IL1RAPL2: variants seen among roughly 807,000 people sequenced by gnomAD.
IL1RAPL2 encodes X-linked interleukin-1 receptor accessory protein-like 2.
IL1RAPL2 carries 3 observed loss-of-function variants against 44.1 expected under a neutral mutation model. The observed-to-expected ratio is 0.07, with a 90% confidence interval of 0.03 to 0.18. IL1RAPL2 has a LOEUF of 0.18. IL1RAPL2 is among the 10% of genes least tolerant of loss of function. The probability of loss-of-function intolerance (pLI) is 1.00; values close to 1 mark genes in which losing one functional copy is unlikely to be tolerated. For synonymous variants in IL1RAPL2, 181 were observed against 178.8 expected (o/e 1.01, Z -0.10); for missense variants, 391 against 496.4 (o/e 0.79, Z 2.02).
At chrX:105,709,656 G>A (rs932589665) in intron 6 of IL1RAPL2, among the ~76,000 whole-genome samples, 1 of 111,313 alleles carries the variant, frequency 9.0e-6, no homozygotes, top group East Asian at 2.9e-4. Context: ...TAACGTTGAC[G>A]TCCTAACACT....
intron 2 of IL1RAPL2, among the ~76,000 whole-genome samples, chrX:104,841,485 T>A (rs1432762602): frequency 8.9e-6 from 1 of 111,940 alleles, no homozygotes; most frequent in African/African-American, 3.2e-5. Flanking sequence ...CGTAGTGTCA[T>A]TGGTCTTTAT....
intron 2 of IL1RAPL2, among the ~76,000 whole-genome samples, chrX:104,822,996 G>A (rs1921347257): frequency 9.0e-6 from 1 of 111,139 alleles, no homozygotes; most frequent in Admixed American, 9.6e-5. Context: ...TGTATTCCTA[G>A]GTATTTTATT....
intron 1 of IL1RAPL2, among the ~76,000 whole-genome samples, chrX:104,602,588 T>G (rs751621273): frequency 9.0e-6 from 1 of 111,474 alleles, no homozygotes; most frequent in East Asian, 2.9e-4. Context: ...GGCTTGAAAT[T>G]CTCACTGCCA....
chrX:104,750,225 T>A (rs1320859575), intron 2 of IL1RAPL2, among the ~76,000 whole-genome samples: 4 of 111,457 alleles, frequency 3.6e-5, no homozygotes. Flanking sequence ...AGCCATGATG[T>A]CATTGAGATA....
intron 2 of IL1RAPL2, among the ~76,000 whole-genome samples, chrX:104,669,889 A>T (rs1422863083): frequency 8.9e-6 from 1 of 111,866 alleles, no homozygotes; most frequent in Non-Finnish European, 1.9e-5. Context: ...TTAAAATTAC[A>T]TTATCATTCT....
At chrX:104,657,812 G>A (rs1293920042) in intron 1 of IL1RAPL2, among the ~76,000 whole-genome samples, 1 of 111,940 alleles carries the variant, frequency 8.9e-6, no homozygotes, top group African/African-American at 3.2e-5. Context: ...CAAAGGATAT[G>A]AACAGAGACT....
At chrX:105,043,566 G>GA (rs34802100) in intron 2 of IL1RAPL2, among the ~76,000 whole-genome samples, 759 of 65,101 alleles carry the variant, frequency 0.012, 3 homozygotes, top group East Asian at 0.023. Flanking sequence ...TCTCAAAGCA[G>GA]AAAAAAAAAA....
chrX:104,961,871 G>A (rs777546057), intron 2 of IL1RAPL2, among the ~76,000 whole-genome samples: 6 of 112,109 alleles, frequency 5.4e-5, no homozygotes, highest in East Asian at 2.8e-4. Context: ...AATGAATTCC[G>A]CAAGTGCTTA....
At chrX:105,237,108 G>A (rs1556202572) in intron 4 of IL1RAPL2, among the ~76,000 whole-genome samples, 3 of 111,177 alleles carry the variant, frequency 2.7e-5, no homozygotes, top group African/African-American at 9.8e-5. Flanking sequence ...TGGTTTTTTT[G>A]TCCTTGCAAT....
chrX:105,483,040 C>G (rs1197435613), intron 5 of IL1RAPL2, among the ~76,000 whole-genome samples: 1 of 106,171 alleles, frequency 9.4e-6, no homozygotes, highest in Non-Finnish European at 1.9e-5. Flanking sequence ...GATTTGTCCT[C>G]TCATTAAAAA....
chrX:105,144,097 GTGTGT>G (rs2147585115), intron 2 of IL1RAPL2, among the ~76,000 whole-genome samples: 1 of 33,852 alleles, frequency 3.0e-5, no homozygotes, highest in African/African-American at 3.4e-4. Context: ...ACAGATGGGT[GTGTGT>G]GTGTGTGTGT....
intron 2 of IL1RAPL2, among the ~76,000 whole-genome samples, chrX:105,077,170 A>G (rs1364617750): frequency 4.5e-5 from 5 of 111,625 alleles, no homozygotes; most frequent in Admixed American, 1.9e-4. Context: ...ATGTTTTTGC[A>G]GTAGCTGGTA....
intron 5 of IL1RAPL2, among the ~76,000 whole-genome samples, chrX:105,321,197 A>C (rs969277878): frequency 1.8e-5 from 2 of 111,610 alleles, no homozygotes; most frequent in Non-Finnish European, 3.8e-5. Context: ...ATTAATAACA[A>C]GCACCCTTGG....
At chrX:105,696,059 T>C (rs1339590466) in intron 6 of IL1RAPL2, among the ~76,000 whole-genome samples, 2 of 112,254 alleles carry the variant, frequency 1.8e-5, no homozygotes, top group African/African-American at 6.5e-5. Context: ...GACTCTGCTC[T>C]GGAAAATTTA....
At chrX:104,604,064 T>G (rs1008089696) in intron 1 of IL1RAPL2, among the ~76,000 whole-genome samples, 1 of 111,985 alleles carries the variant, frequency 8.9e-6, no homozygotes, top group East Asian at 2.8e-4. Context: ...GAGAAAGGTC[T>G]GGTTACCCAC....
intron 2 of IL1RAPL2, among the ~76,000 whole-genome samples, chrX:105,116,474 AT>A (rs1172091312): frequency 5.4e-5 from 6 of 110,679 alleles, no homozygotes; most frequent in African/African-American, 1.6e-4. Context: ...TGTGTCCTGC[AT>A]TTTTTTTTCC....
chrX:104,643,044 A>T (rs1040195954), intron 1 of IL1RAPL2, among the ~76,000 whole-genome samples: 11 of 112,261 alleles, frequency 9.8e-5, no homozygotes, highest in Non-Finnish European at 1.9e-4. Context: ...GTTCTCCAGA[A>T]AAATGAATGA....
At chrX:105,073,970 A>C (rs2032249045) in intron 2 of IL1RAPL2, among the ~76,000 whole-genome samples, 1 of 111,189 alleles carries the variant, frequency 9.0e-6, no homozygotes, top group South Asian at 3.7e-4. Flanking sequence ...GGTTGCAAAA[A>C]TTCTCTCCCA....
chrX:105,006,490 T>A (rs946780709), intron 2 of IL1RAPL2, among the ~76,000 whole-genome samples: 1 of 111,098 alleles, frequency 9.0e-6, no homozygotes, highest in Non-Finnish European at 1.9e-5. Flanking sequence ...TATGTTTTAT[T>A]AATTTGAAGC....
Sources: gnomAD v4.1 joint callset for allele counts (sites outside exome capture counted in the v4.1 genomes callset) on GRCh38, gnomAD v4.1.1 for gene constraint, MANE v1.5 for transcripts, NCBI Gene and HGNC (gene_info 2026-07-23, HGNC 2026-07-21) for gene names.